The following KALRN variants were observed in gnomAD, a reference collection of about 807,000 sequenced individuals.
KALRN encodes kalirin RhoGEF kinase, also known as kalirin.
In KALRN, 70 loss-of-function variants were observed where a neutral mutation model predicts 353.7. That is an observed-to-expected ratio of 0.20 (90% CI 0.16 to 0.24). The LOEUF (loss-of-function observed/expected upper bound fraction) is 0.24. Ranked by LOEUF, KALRN falls within the 10% of genes least tolerant of loss-of-function variation. KALRN has a pLI of 1.00. For synonymous variants in KALRN, 1,391 were observed against 1,434.8 expected (o/e 0.97, Z 0.69); for missense variants, 2,791 against 3,756.7 (o/e 0.74, Z 6.72).
At chr3:124,673,167 T>C (rs2086675442) in intron 48 of KALRN, among the ~76,000 whole-genome samples, 1 of 152,056 alleles carries the variant, frequency 6.6e-6, no homozygotes. Context: ...GGGTGATGGC[T>C]TGGGCTTAAG....
chr3:124,578,112 G>A (rs934479555), intron 34 of KALRN, among the ~76,000 whole-genome samples: 2 of 152,034 alleles, frequency 1.3e-5, no homozygotes, highest in African/African-American at 4.8e-5. Context: ...AATTCACCCT[G>A]TTCTTCTTTG....
chr3:124,568,088 T>A (rs2073071966), intron 34 of KALRN, among the ~76,000 whole-genome samples: 1 of 152,168 alleles, frequency 6.6e-6, no homozygotes, highest in Admixed American at 6.5e-5. Context: ...AGGAGATACT[T>A]AAAGATGTAT....
intron 3 of KALRN, among the ~76,000 whole-genome samples, chr3:124,243,334 G>A (rs941396483): frequency 9.2e-5 from 14 of 152,180 alleles, no homozygotes; most frequent in Non-Finnish European, 1.8e-4. Context: ...GGGAAGAGCT[G>A]GCTATCATGC....
intron 13 of KALRN, among the ~76,000 whole-genome samples, chr3:124,404,154 A>G (rs530839323): frequency 1.3e-3 from 2 of 1,562 alleles, no homozygotes; most frequent in African/African-American, 3.7e-3. Context: ...TGCTCTCTGG[A>G]AAAAAAAAAA....
chr3:124,549,319 C>A (rs1463490440), intron 33 of KALRN, among the ~76,000 whole-genome samples: 5 of 106,488 alleles, frequency 4.7e-5, no homozygotes, highest in African/African-American at 1.9e-4. Flanking sequence ...CCCAAGAAGC[C>A]AACACACACA....
intron 1 of KALRN, among the ~76,000 whole-genome samples, chr3:124,220,609 C>T (rs942141238): frequency 4.0e-5 from 6 of 151,662 alleles, no homozygotes; most frequent in African/African-American, 1.5e-4. Flanking sequence ...ACAGTGTCTT[C>T]TCCTAAGGGC....
rs180729703 is a variant in KALRN, at chr3:124,291,924, A to C, written c.970-6867A>C. 3.3e-3 allele frequency among the ~76,000 whole-genome samples: 501 copies of C among 152,326 alleles called. 1 individual carries two copies. Among genetic ancestry groups the C allele is most frequent in the South Asian group, 5.6e-3 (27 of 4,826 alleles). ...ATTACACCTACAGCCTCTCAGGCCC[A>C]TATCCCAGCTGCCTCCCCCGTCTGT... On this transcript the variant is annotated intron_variant, in intron 5 of 59. Coordinates refer to ENST00000682506, the MANE Select transcript of KALRN (RefSeq NM_001388419.1).
chr3:124,716,551 A>G (rs2063143910), intron 58 of KALRN, among the ~76,000 whole-genome samples: 1 of 152,066 alleles, frequency 6.6e-6, no homozygotes, highest in Non-Finnish European at 1.5e-5. Flanking sequence ...AACAACAACA[A>G]AAAAAAGGTG....
chr3:124,473,206 AT>A (rs1338277065), intron 25 of KALRN, among the ~76,000 whole-genome samples: 1 of 152,240 alleles, frequency 6.6e-6, no homozygotes, highest in Non-Finnish European at 1.5e-5. Context: ...CTTGTAATTA[AT>A]TATACTGCCA....
intron 33 of KALRN, among the ~76,000 whole-genome samples, chr3:124,539,433 G>A (rs1470348919): frequency 1.3e-5 from 2 of 152,236 alleles, no homozygotes; most frequent in East Asian, 3.9e-4. Flanking sequence ...TAGGAAGGAT[G>A]AGCATGACAA....
chr3:124,260,691 C>T (rs1422775281), intron 3 of KALRN, among the ~76,000 whole-genome samples: 2 of 151,920 alleles, frequency 1.3e-5, no homozygotes, highest in African/African-American at 4.8e-5. Context: ...GTCATCTTGG[C>T]TCCTGGGGTG....
rs190567443 is a variant in KALRN, at chr3:124,617,137, A to T, written c.5183-15283A>T. On this transcript the variant is annotated intron_variant, in intron 34 of 59. Coordinates refer to ENST00000682506, the MANE Select transcript of KALRN (RefSeq NM_001388419.1). Reference sequence around the variant, plus strand: ...ACTTGAGATCAGGAGTTTGAGGCCAATCTGGGCAGCACGGTGAAACCCTGT... The same window carrying T: ...ACTTGAGATCAGGAGTTTGAGGCCATTCTGGGCAGCACGGTGAAACCCTGT... Among the ~76,000 whole-genome samples, 11 of 151,964 alleles carry T rather than the reference A, an allele frequency of 7.2e-5. No individual in the cohort carries two copies. The East Asian group carries it at 2.1e-3, about 29-fold the overall frequency.
chr3:124,348,109 T>A (rs966198663), intron 10 of KALRN, among the ~76,000 whole-genome samples: 4 of 152,230 alleles, frequency 2.6e-5, no homozygotes, highest in African/African-American at 9.7e-5. Context: ...CCAGTTATTT[T>A]ATCAGGCGTG....
intron 45 of KALRN, 102 bp downstream of exon 45, chr3:124,662,030 T>A: frequency 1.1e-6 from 1 of 902,442 alleles, no homozygotes; most frequent in South Asian, 1.3e-5. Context: ...TGCCTGTGCC[T>A]CCTTCACTCA....
intron 3 of KALRN, among the ~76,000 whole-genome samples, chr3:124,249,935 C>G (rs948259966): frequency 6.6e-6 from 1 of 152,196 alleles, no homozygotes; most frequent in Non-Finnish European, 1.5e-5. Context: ...TCTCATCAGT[C>G]CCCTCTGCCA....
intron 25 of KALRN, among the ~76,000 whole-genome samples, chr3:124,467,411 A>G (rs990921673): frequency 5.3e-5 from 8 of 152,186 alleles, no homozygotes; most frequent in Non-Finnish European, 1.0e-4. Context: ...TCTGTCTGCA[A>G]TAAGGGTGGA....
intron 5 of KALRN, among the ~76,000 whole-genome samples, chr3:124,281,455 G>C (rs1185245349): frequency 1.3e-5 from 2 of 152,154 alleles, no homozygotes; most frequent in Non-Finnish European, 2.9e-5. Flanking sequence ...CTGGACTTGG[G>C]CATTCAGCTC....
chr3:124,308,603 A>G (rs1000811260), intron 6 of KALRN, among the ~76,000 whole-genome samples: 4 of 152,006 alleles, frequency 2.6e-5, no homozygotes, highest in Admixed American at 2.0e-4. Flanking sequence ...GGAGAATTGG[A>G]AACTAATTTT....
At chr3:124,089,993 T>C (rs529250906) in intron 1 of KALRN, among the ~76,000 whole-genome samples, 16 of 152,260 alleles carry the variant, frequency 1.1e-4, no homozygotes, top group African/African-American at 3.6e-4. Context: ...ATACCTTGGA[T>C]GGGATGAGGT....
Sources: gnomAD v4.1 joint callset for allele counts (sites outside exome capture counted in the v4.1 genomes callset) on GRCh38, gnomAD v4.1.1 for gene constraint, MANE v1.5 for transcripts, NCBI Gene and HGNC (gene_info 2026-07-23, HGNC 2026-07-21) for gene names.